The following ME2 variants were observed in gnomAD, a reference collection of about 807,000 sequenced individuals.
The protein encoded by ME2 is malic enzyme 2, also known as NAD-dependent malic enzyme, mitochondrial.
Under a neutral mutation model 73.7 loss-of-function variants are expected in ME2, and 60 were observed. The observed-to-expected ratio is 0.81, with a 90% CI of 0.66 to 1.01. The LOEUF (loss-of-function observed/expected upper bound fraction) is 1.01, where lower values mean the gene tolerates loss of function less well. Ranked by LOEUF, ME2 falls within the 50% of genes least tolerant of loss-of-function variation. The pLI, the probability that ME2 is intolerant of heterozygous loss-of-function variation, is 0.00. For synonymous variants in ME2, 199 were observed against 236.9 expected, an observed-to-expected ratio of 0.84 and a Z score of 1.47; for missense variants, 594 against 705.5, an observed-to-expected ratio of 0.84 and a Z score of 1.79.
intron 15 of ME2, among the ~76,000 whole-genome samples, chr18:50,944,443 G>A (rs866336380): frequency 1.3e-5 from 2 of 152,092 alleles, no homozygotes; most frequent in Admixed American, 6.5e-5. Context: ...AGAGCTTTGT[G>A]TCTGTCCCCA....
At chr18:50,884,689 A>G (rs1467209092) in intron 1 of ME2, among the ~76,000 whole-genome samples, 1 of 152,076 alleles carries the variant, frequency 6.6e-6, no homozygotes, top group Non-Finnish European at 1.5e-5. Flanking sequence ...CTAGGAGTTG[A>G]AAATAGAAGA....
At chr18:50,933,710 A>G (rs993249610) in intron 13 of ME2, 13 of 151,796 alleles carry the variant, frequency 8.6e-5, no homozygotes, top group African/African-American at 2.9e-4. Context: ...GGTTTGTTAT[A>G]TAGGTAAATT....
intron 2 of ME2, among the ~76,000 whole-genome samples, chr18:50,897,946 G>A (rs1916790847): frequency 6.6e-6 from 1 of 151,928 alleles, no homozygotes; most frequent in Admixed American, 6.6e-5. Flanking sequence ...GCATCTATAT[G>A]GTCACATCAT....
At chr18:50,906,470 G>A (rs745775152) in intron 2 of ME2, among the ~76,000 whole-genome samples, 8 of 151,982 alleles carry the variant, frequency 5.3e-5, no homozygotes, top group African/African-American at 7.2e-5. Flanking sequence ...ATGCCACCAC[G>A]CCCGGCTAAT....
At chr18:50,920,226 C>A (rs553024598) in intron 7 of ME2, among the ~76,000 whole-genome samples, 2 of 152,092 alleles carry the variant, frequency 1.3e-5, no homozygotes, top group Admixed American at 1.3e-4. Context: ...AGATTGATAG[C>A]CCATGGGTTT....
At chr18:50,890,889 A>C (rs976086186) in intron 1 of ME2, among the ~76,000 whole-genome samples, 1 of 152,184 alleles carries the variant, frequency 6.6e-6, no homozygotes, top group Non-Finnish European at 1.5e-5. Context: ...CCCTTCTAGC[A>C]TGGCCAGGAG....
intron 1 of ME2, among the ~76,000 whole-genome samples, chr18:50,880,767 C>T (rs1916300734): frequency 6.6e-6 from 1 of 152,132 alleles, no homozygotes. Flanking sequence ...GGCTATGCTT[C>T]TGTAGAAATA....
At chr18:50,943,493 G>A (rs759453756) in intron 15 of ME2, among the ~76,000 whole-genome samples, 27 of 151,980 alleles carry the variant, frequency 1.8e-4, no homozygotes, top group Non-Finnish European at 2.9e-4. Flanking sequence ...TGGTACAGAT[G>A]GGGGTTTGCA....
rs1177843318 is a variant in ME2, at chr18:50,940,316, A to G, written c.1517A>G (p.Glu506Gly). ...CTGACAAGCCAATTGACAGATGAAG[A>G]GCTAGCCCAAGGGAGACTTTACCCA... ...KALTSQLTDE[E>G]LAQGRLYPPL... The change falls in exon 15 of 16, where the codon GAG (glutamate) becomes GGG (glycine). Residue 506 changes from glutamate to glycine, a missense_variant. By Grantham distance (98) the Glu-to-Gly change is moderately conservative (BLOSUM62 -2). Transcript: ENST00000321341. The G allele has an allele frequency of 1.2e-6, 2 of 1,610,520 alleles. No homozygotes were observed. Among genetic ancestry groups the G allele is most frequent in the Non-Finnish European group, 1.7e-6 (2 of 1,179,260 alleles).
intron 2 of ME2, among the ~76,000 whole-genome samples, chr18:50,904,199 A>G (rs1225216038): frequency 1.3e-5 from 2 of 151,718 alleles, no homozygotes; most frequent in Admixed American, 6.6e-5. Flanking sequence ...TGTGTGGTAT[A>G]TCTTTTTCCA....
chr18:50,940,023 G>C (rs912168251), intron 14 of ME2: 3 of 457,196 alleles, frequency 6.6e-6, no homozygotes, highest in Admixed American at 8.0e-5. Flanking sequence ...ATTAATGTCT[G>C]TTTTCAAAGT....
intron 3 of ME2, among the ~76,000 whole-genome samples, chr18:50,909,463 A>G (rs1296225606): frequency 6.6e-6 from 1 of 152,182 alleles, no homozygotes; most frequent in Non-Finnish European, 1.5e-5. Flanking sequence ...AAGCTTCCTG[A>G]AGGGAGTGAT....
intron 15 of ME2, among the ~76,000 whole-genome samples, chr18:50,940,832 A>G (rs1789222): frequency 0.061 from 9,351 of 152,176 alleles, 424 homozygotes; most frequent in African/African-American, 0.13. Context: ...AGTCTTTTCC[A>G]TGTAACTTAA....
In ME2 at chr18:50,916,197, G is replaced by C; in HGVS notation, c.422G>C (p.Gly141Ala). The change falls in exon 5 of 16, where the codon GGT (glycine) becomes GCT (alanine). Residue 141 changes from glycine to alanine, a missense_variant. By Grantham distance (60) the Gly-to-Ala change is moderately conservative. Transcript: ENST00000321341. Reference sequence around the variant, plus strand: ...TTATTTATTTCGATCTCAGACAGAGGTCATGTTAGATCAATTGTGGATAAC... The same window carrying C: ...TTATTTATTTCGATCTCAGACAGAGCTCATGTTAGATCAATTGTGGATAAC... Reference protein sequence around the residue: ...KGLFISISDRGHVRSIVDNWP... With the variant: ...KGLFISISDRAHVRSIVDNWP... The C allele has an allele frequency of 6.2e-7, 1 of 1,612,044 alleles. No homozygotes were observed. The highest frequency in any genetic ancestry group is 8.5e-7 in the Non-Finnish European group (1 of 1,178,974).
chr18:50,893,124 C>CAAAAA (rs56104427), intron 1 of ME2, among the ~76,000 whole-genome samples: 2 of 78,092 alleles, frequency 2.6e-5, no homozygotes, highest in African/African-American at 5.9e-5. Context: ...GACTCTATCT[C>CAAAAA]AAAAAAAAAA....
Position 50,913,860 on chromosome 18 carries a change from T to TATACACACACACACACACACACACACAC in ME2, c.392+911_392+912insTACACACACACACACACACACACACACA, listed in dbSNP as rs112137080. Among the ~76,000 whole-genome samples, 238 of 143,272 alleles carry TATACACACACACACACACACACACACAC rather than the reference T, an allele frequency of 1.7e-3. 1 individual carries two copies. The highest frequency in any genetic ancestry group is 2.8e-3 in the Non-Finnish European group (182 of 65,994). The allele number at this position is 143,272 out of a possible 152,430, so 94.0% of individuals were successfully genotyped here. On this transcript the variant is annotated intron_variant, in intron 4 of 15. Coordinates refer to ENST00000321341, the MANE Select transcript of ME2 (RefSeq NM_002396.5). ...CTTTGGAAAATTATCAGCAATATTA[T>TATACACACACACACACACACACACACAC]ACACACACACACACACACACACACA...
chr18:50,947,076 G>A lies in ME2; in HGVS notation c.1647G>A (p.Lys549=), dbSNP rs200507948. 10 of 1,613,858 alleles carry A rather than the reference G, an allele frequency of 6.2e-6. No homozygotes were observed. Among genetic ancestry groups the A allele is most frequent in the African/African-American group, 1.3e-5 (1 of 74,872 alleles). The change falls in exon 16 of 16, where the codon AAG becomes AAA. Residue 549 remains lysine (K), a synonymous_variant. Coordinates refer to ENST00000321341, the MANE Select transcript of ME2 (RefSeq NM_002396.5). The part of the protein sequence containing the change: ...MAFRYPEPED[K]AKYVKERTWR... ...TCCGATACCCAGAACCTGAAGACAA[G>A]GCCAAATATGTTAAAGAAAGAACAT...
At chr18:50,915,972 C>A in intron 4 of ME2, 196 bp from the exon 5 acceptor site, 1 of 432,746 alleles carries the variant, frequency 2.3e-6, no homozygotes, top group Non-Finnish European at 4.1e-6. Flanking sequence ...ATCTTTGTTG[C>A]ATCTGCTATG....
intron 13 of ME2, chr18:50,935,359 T>C (rs1290368607): frequency 1.3e-5 from 2 of 152,206 alleles, no homozygotes; most frequent in East Asian, 3.9e-4. Flanking sequence ...GAAACAAATA[T>C]GCTTATTATG....
Sources: gnomAD v4.1 joint callset for allele counts (sites outside exome capture counted in the v4.1 genomes callset) on GRCh38, gnomAD v4.1.1 for gene constraint, MANE v1.5 for transcripts, NCBI Gene and HGNC (gene_info 2026-07-23, HGNC 2026-07-21) for gene names.